Variants in ATXN1 observed in about 807,000 individuals in gnomAD.
ATXN1 encodes ataxin 1, also known as ataxin-1.
ATXN1 carries 8 observed loss-of-function variants against 56.4 expected under a neutral mutation model. That is an observed-to-expected ratio of 0.14 (90% CI 0.08 to 0.26). The LOEUF (loss-of-function observed/expected upper bound fraction) is 0.26. ATXN1 is among the 10% of genes least tolerant of loss of function. The pLI is 1.00. For synonymous variants in ATXN1, 514 were observed against 494.6 expected, an observed-to-expected ratio of 1.04 and a Z score of -0.52; for missense variants, 987 against 1,106.5, an observed-to-expected ratio of 0.89 and a Z score of 1.53.
At position 16,306,320 on chromosome 6, in the gene ATXN1, AC is replaced by A; in HGVS notation, c.*8del. 6.3e-7 allele frequency: 1 copy of A among 1,589,888 alleles called. No individual in the cohort carries two copies. The highest frequency in any genetic ancestry group is 8.6e-7 in the Non-Finnish European group (1 of 1,169,076). On this transcript the variant is annotated 3_prime_UTR_variant, in exon 8 of 8. Coordinates refer to ENST00000436367, the MANE Select transcript of ATXN1 (RefSeq NM_001128164.2). This position sits in a 1 kb window ranked among gnomAD's most constrained non-coding sequence, Gnocchi z 5.2. ...GGGAGAGCCACGTTTCCTTTCCCCC[AC>A]GCTGCCTCTACTTGCCTACATTAGA...
intron 4 of ATXN1, among the ~76,000 whole-genome samples, chr6:16,576,103 A>G (rs1762415786): frequency 6.6e-6 from 1 of 152,202 alleles, no homozygotes; most frequent in South Asian, 2.1e-4. Context: ...TAAGGTAAAA[A>G]AAAAAAAATC....
At chr6:16,487,309 G>A (rs1453920221) in intron 5 of ATXN1, among the ~76,000 whole-genome samples, 2 of 151,972 alleles carry the variant, frequency 1.3e-5, no homozygotes, top group Non-Finnish European at 2.9e-5. Flanking sequence ...CATTGTGGGT[G>A]TCATTAATAG....
At chr6:16,407,249 T>C (rs1241012994) in intron 6 of ATXN1, among the ~76,000 whole-genome samples, 1 of 152,252 alleles carries the variant, frequency 6.6e-6, no homozygotes, top group Non-Finnish European at 1.5e-5. Flanking sequence ...CTTAACTTCA[T>C]GTTAATGAAA....
chr6:16,598,551 GA>G (rs1264114667), intron 3 of ATXN1, among the ~76,000 whole-genome samples: 6 of 152,176 alleles, frequency 3.9e-5, no homozygotes, highest in African/African-American at 1.4e-4. Context: ...GCTTGTCTCA[GA>G]AGGTTGTTAC....
intron 2 of ATXN1, among the ~76,000 whole-genome samples, chr6:16,740,678 CTAACATA>C (rs1417852529): frequency 6.6e-6 from 1 of 152,128 alleles, no homozygotes; most frequent in African/African-American, 2.4e-5. Context: ...ATAAAAACAT[CTAACATA>C]TAATTTTTTA....
intron 6 of ATXN1, among the ~76,000 whole-genome samples, chr6:16,382,434 G>A (rs1758148999): frequency 6.6e-6 from 1 of 152,078 alleles, no homozygotes; most frequent in African/African-American, 2.4e-5. Context: ...GTGCTCTCCA[G>A]CCTGGGTGAC....
intron 2 of ATXN1, among the ~76,000 whole-genome samples, chr6:16,745,192 T>C (rs1466009858): frequency 2.0e-5 from 3 of 152,212 alleles, no homozygotes; most frequent in Non-Finnish European, 4.4e-5. Flanking sequence ...ACAATGTAAA[T>C]TGGTACAGCC....
At chr6:16,308,462 A>AGTGGAGCAGTT (rs1456953051) in intron 7 of ATXN1, among the ~76,000 whole-genome samples, 1 of 152,126 alleles carries the variant, frequency 6.6e-6, no homozygotes, top group East Asian at 1.9e-4. Flanking sequence ...AACATTCCAA[A>AGTGGAGCAGTT]GTGGAGCAGT....
intron 5 of ATXN1, among the ~76,000 whole-genome samples, chr6:16,494,146 CTCCAGTGCAGGGCTGGACTGAGAG>C (rs1760727410): frequency 2.9e-5 from 1 of 34,640 alleles, no homozygotes; most frequent in Non-Finnish European, 5.3e-5. Flanking sequence ...TGAGAGGCAT[CTCCAGTGCAGGGCTGGACTGAGAG>C]TCCAGTTAGA....
At chr6:16,736,666 A>G (rs1272793042) in intron 2 of ATXN1, among the ~76,000 whole-genome samples, 1 of 152,228 alleles carries the variant, frequency 6.6e-6, no homozygotes, top group Non-Finnish European at 1.5e-5. Context: ...CTGCACGTAT[A>G]TCGCAAAGTG....
At chr6:16,451,170 T>A (rs1759745878) in intron 6 of ATXN1, among the ~76,000 whole-genome samples, 1 of 152,126 alleles carries the variant, frequency 6.6e-6, no homozygotes, top group East Asian at 1.9e-4. Flanking sequence ...TATATAGGAT[T>A]GAAAATAGTA....
intron 6 of ATXN1, among the ~76,000 whole-genome samples, chr6:16,442,474 T>C (rs538081815): frequency 2.6e-5 from 4 of 151,586 alleles, no homozygotes; most frequent in African/African-American, 7.3e-5. Context: ...ACAATATAGA[T>C]AGTATAATGA....
intron 6 of ATXN1, among the ~76,000 whole-genome samples, chr6:16,347,094 T>C (rs1488260430): frequency 2.0e-5 from 3 of 152,234 alleles, no homozygotes; most frequent in African/African-American, 7.2e-5. Flanking sequence ...GCTCGGGACC[T>C]GCAGCCCGCC....
intron 3 of ATXN1, among the ~76,000 whole-genome samples, chr6:16,604,588 CTTT>C (rs376581013): frequency 1.4e-4 from 19 of 132,692 alleles, no homozygotes; most frequent in African/African-American, 4.4e-4. Context: ...TGTTTCTCTT[CTTT>C]TTTTTTTTTT....
At chr6:16,365,253 T>G (rs2113481384) in intron 6 of ATXN1, among the ~76,000 whole-genome samples, 1 of 152,308 alleles carries the variant, frequency 6.6e-6, no homozygotes, top group East Asian at 1.9e-4. Context: ...CTTGGCTTAC[T>G]GCAACCTCTG....
At chr6:16,530,077 C>A (rs1487672128) in intron 4 of ATXN1, among the ~76,000 whole-genome samples, 1 of 152,086 alleles carries the variant, frequency 6.6e-6, no homozygotes, top group African/African-American at 2.4e-5. Context: ...TAAATCTATA[C>A]CATGAAATTT....
rs79107575 is a variant in ATXN1 at position 16,719,442 on chromosome 6, C to T, written c.-615+33791G>A. On this transcript the variant is annotated intron_variant, in intron 2 of 7. Transcript: ENST00000436367. ...TTGATTGGTGCATTAAAATTAAAAA[C>T]GAATGTAGATTAATAAATGAAGATG... Among the ~76,000 whole-genome samples the T allele has an allele frequency of 6.4e-3, 969 of 152,182 alleles. 5 individuals carry two copies. The highest frequency in any genetic ancestry group is 0.01 in the Non-Finnish European group (691 of 68,010).
At chr6:16,645,755 T>G (rs907367752) in intron 3 of ATXN1, among the ~76,000 whole-genome samples, 3 of 151,978 alleles carry the variant, frequency 2.0e-5, no homozygotes, top group African/African-American at 7.3e-5. Context: ...CAAAAAGGAG[T>G]TGCTCAGTAA....
intron 4 of ATXN1, among the ~76,000 whole-genome samples, chr6:16,525,568 G>A (rs1025946230): frequency 6.6e-6 from 1 of 151,752 alleles, no homozygotes; most frequent in African/African-American, 2.4e-5. Context: ...ATGGTTAATG[G>A]GTACAAAAAA....
Sources: allele counts gnomAD v4.1 joint callset (sites outside exome capture counted in the v4.1 genomes callset), GRCh38; gene constraint gnomAD v4.1.1; non-coding constraint Gnocchi (gnomAD v3.1); transcripts MANE v1.5; gene names NCBI Gene and HGNC (gene_info 2026-07-23, HGNC 2026-07-21).